The following ILDR2 variants were observed in gnomAD, a reference collection of about 807,000 sequenced individuals.
The protein encoded by ILDR2 is immunoglobulin-like domain-containing receptor 2.
ILDR2 carries 25 observed loss-of-function variants against 66.8 expected under a neutral mutation model. The observed-to-expected ratio is 0.37, with a 90% CI of 0.27 to 0.52. The LOEUF (loss-of-function observed/expected upper bound fraction) is 0.52, where lower values mean the gene tolerates loss of function less well. Among genes scored for constraint, ILDR2 ranks in the 20% least tolerant of loss-of-function variants. ILDR2 has a pLI of 0.88. For synonymous variants in ILDR2, 367 were observed against 357.2 expected (o/e 1.03, Z -0.31); for missense variants, 827 against 876.8 (o/e 0.94, Z 0.72).
intron 2 of ILDR2, chr1:166,896,137 G>A (rs376228315): frequency 2.4e-4 from 36 of 152,328 alleles, no homozygotes; most frequent in African/African-American, 7.2e-4. Flanking sequence ...AAAGTAGCAC[G>A]TCCTGAACTC....
chr1:166,925,959 AT>A (rs1660255836), intron 7 of ILDR2, among the ~76,000 whole-genome samples: 1 of 152,124 alleles, frequency 6.6e-6, no homozygotes, highest in African/African-American at 2.4e-5. Context: ...CCATGACAAC[AT>A]TGTTACAACT....
chr1:166,928,548 TC>T (rs1660441687), intron 6 of ILDR2, among the ~76,000 whole-genome samples: 1 of 152,216 alleles, frequency 6.6e-6, no homozygotes. Context: ...CATTCCCTGT[TC>T]CCAAAGTGGG....
intron 8 of ILDR2, 78 bp downstream of exon 8, chr1:166,922,515 C>G: frequency 8.8e-7 from 1 of 1,141,038 alleles, no homozygotes; most frequent in Non-Finnish European, 1.3e-6. Context: ...TGGATGGCAT[C>G]TTCCTTGCCT....
chr1:166,920,751 T>TGTG lies in ILDR2; in HGVS notation c.1837_1839dup (p.His613dup), dbSNP rs1250987585. ...TTTTTCCTCTTCTTCTCCGAGTTGCTGTGGTAGGGCAGGTCGCGGCCGCGG... is the reference window on the plus strand; with the variant it reads ...TTTTTCCTCTTCTTCTCCGAGTTGCTGTGGTGGTAGGGCAGGTCGCGGCCGCGG... On this transcript the variant is annotated inframe_insertion, in exon 9 of 10. Coordinates refer to ENST00000271417, the MANE Select transcript of ILDR2 (RefSeq NM_199351.3). 2.0e-6 allele frequency: 3 copies of TGTG among 1,469,664 alleles called. No individual in the cohort carries two copies. Among genetic ancestry groups the TGTG allele is most frequent in the South Asian group, 1.4e-5 (1 of 72,756 alleles). 91.0% of individuals were successfully genotyped at this position (1,469,664 alleles called of 1,614,324 possible). A position where few individuals can be genotyped will look rare whatever the true frequency, so the allele number is the denominator to read the frequency against.
chr1:166,956,646 A>G (rs2101978277), intron 3 of ILDR2, 87 bp downstream of exon 3: 1 of 1,473,192 alleles, frequency 6.8e-7, no homozygotes, highest in Non-Finnish European at 9.2e-7. Context: ...CTGCTAATGC[A>G]CACAGGGGAG....
At chr1:166,933,802 T>G (rs1285243420) in intron 6 of ILDR2, among the ~76,000 whole-genome samples, 1 of 152,200 alleles carries the variant, frequency 6.6e-6, no homozygotes, top group African/African-American at 2.4e-5. Flanking sequence ...TTTCTCTAAT[T>G]ATCTGTGTGT....
At position 166,936,607 on chromosome 1, in the gene ILDR2, G is replaced by A; in HGVS notation, c.687C>T (p.Cys229=). The change falls in exon 5 of 10, where the codon TGC becomes TGT. Residue 229 remains cysteine, a synonymous_variant. Transcript: ENST00000271417. This position sits in a 1 kb window ranked among gnomAD's most constrained non-coding sequence, Gnocchi z 5.0. ...TGTACTCACAGGCTTGAGGGCAGCAGCAGGAATCTGGGCAGCATGGGCAGC... is the reference window on the plus strand; with the variant it reads ...TGTACTCACAGGCTTGAGGGCAGCAACAGGAATCTGGGCAGCATGGGCAGC... ...YVRCPCCPDS[C]CCPQALYEAG... 6.2e-7 allele frequency: 1 copy of A among 1,614,114 alleles called. No homozygotes were observed. The highest frequency in any genetic ancestry group is 1.1e-5 in the South Asian group (1 of 91,086).
chr1:166,963,708 A>G (rs550325657), intron 1 of ILDR2, among the ~76,000 whole-genome samples: 1 of 152,298 alleles, frequency 6.6e-6, no homozygotes, highest in East Asian at 1.9e-4. Flanking sequence ...TCTCCTTGAC[A>G]TGGCCCCCAG....
chr1:166,935,721 ATAAT>A (rs1660933983), intron 5 of ILDR2, among the ~76,000 whole-genome samples: 1 of 152,198 alleles, frequency 6.6e-6, no homozygotes, highest in South Asian at 2.1e-4. Flanking sequence ...TGGCAACTAA[ATAAT>A]TAAGTGGTTC....
rs555093989 is a variant in ILDR2, at chr1:166,939,071, T to A, written c.556+443A>T. On this transcript the variant is annotated intron_variant, in intron 4 of 9. Transcript: ENST00000271417. Reference sequence around the variant, plus strand: ...AGGGAGGAGGGGTACATAGCTTTCCTAAGGTTTGAAAAAAAAGTTTGATGA... The same window carrying A: ...AGGGAGGAGGGGTACATAGCTTTCCAAAGGTTTGAAAAAAAAGTTTGATGA... 3.3e-5 allele frequency among the ~76,000 whole-genome samples: 5 copies of A among 152,300 alleles called. No homozygotes were observed. The East Asian group carries it at 9.6e-4, about 29-fold the overall frequency.
Position 166,974,716 on chromosome 1 carries a change from A to G in ILDR2, c.46+507T>C, listed in dbSNP as rs1325045571. 2.6e-5 allele frequency among the ~76,000 whole-genome samples: 4 copies of G among 152,062 alleles called. No individual in the cohort carries two copies. The East Asian group carries it at 7.7e-4, about 29-fold the overall frequency. The stretch of plus-strand genomic sequence containing the variant: ...CTCCAGTTCCTTGCACCCTCCAGAG[A>G]GCCACAGAGAGAATGCCCTGGGTCC... On this transcript the variant is annotated intron_variant, in intron 1 of 9. Coordinates refer to ENST00000271417, the MANE Select transcript of ILDR2 (RefSeq NM_199351.3).
Position 166,969,384 on chromosome 1 carries a change from CA to C in ILDR2, c.46+5838del, listed in dbSNP as rs1663148447. 2.6e-5 allele frequency among the ~76,000 whole-genome samples: 4 copies of C among 152,198 alleles called. No homozygotes were observed. The South Asian group carries it at 8.3e-4, about 31-fold the overall frequency. On this transcript the variant is annotated intron_variant, in intron 1 of 9. Transcript: ENST00000271417. ...TGGCCTGTAAAGAACTCTAGTCATC[CA>C]AAACACTTTCTTTCATTTTCAGAAA...
chr1:166,922,172 C>T (rs1483312863), intron 8 of ILDR2, among the ~76,000 whole-genome samples: 2 of 152,064 alleles, frequency 1.3e-5, no homozygotes, highest in Admixed American at 6.5e-5. Context: ...AATCCCAGCA[C>T]TTTGGGAGGC....
chr1:166,921,505 C>T lies in ILDR2; in HGVS notation c.1212-126G>A, dbSNP rs1659941693. 1.3e-6 allele frequency: 1 copy of T among 768,050 alleles called. No homozygotes were observed. Among genetic ancestry groups the T allele is most frequent in the Admixed American group, 3.0e-5 (1 of 33,574 alleles). 47.6% of individuals were successfully genotyped at this position (768,050 alleles called of 1,614,324 possible). A position where few individuals can be genotyped will look rare whatever the true frequency, so the allele number is the denominator to read the frequency against. ...GACCTCGGCCTGAGCCTCAGCTCCG[C>T]TCCAGGCTGGATGAAGCATTCCAGG... On this transcript the variant is annotated intron_variant, in intron 8 of 9. Coordinates refer to ENST00000271417, the MANE Select transcript of ILDR2 (RefSeq NM_199351.3). This position sits in a 1 kb window ranked among gnomAD's most constrained non-coding sequence, Gnocchi z 5.3.
chr1:166,964,156 T>G (rs1445527307), intron 1 of ILDR2, among the ~76,000 whole-genome samples: 1 of 150,870 alleles, frequency 6.6e-6, no homozygotes, highest in Non-Finnish European at 1.5e-5. Context: ...AAAAAAAAAT[T>G]TAAGAATTCC....
chr1:166,941,785 C>T (rs1661324293), intron 3 of ILDR2, among the ~76,000 whole-genome samples: 1 of 152,164 alleles, frequency 6.6e-6, no homozygotes, highest in Non-Finnish European at 1.5e-5. Flanking sequence ...ATGTTTTAAA[C>T]ATCTCTGGAT....
At chr1:166,951,870 C>T (rs763977346) in intron 3 of ILDR2, among the ~76,000 whole-genome samples, 1 of 152,162 alleles carries the variant, frequency 6.6e-6, no homozygotes, top group Non-Finnish European at 1.5e-5. Flanking sequence ...TTGTTATTTA[C>T]CATTAGGAAT....
rs1016308481 is a variant in ILDR2 at position 166,917,567 on chromosome 1, A to G, written c.*1788T>C. On this transcript the variant is annotated 3_prime_UTR_variant, in exon 10 of 10. Transcript: ENST00000271417. ...TCCACTCCACAAGAGTGCAGGGTGA[A>G]AAGCTTTGATAAAAATTTGTCAACA... 1.3e-5 allele frequency: 2 copies of G among 152,246 alleles called. No individual in the cohort carries two copies. The highest frequency in any genetic ancestry group is 4.8e-5 in the African/African-American group (2 of 41,454). The allele number at this position is 152,246 out of a possible 1,614,324, so 9.4% of individuals were successfully genotyped here.
chr1:166,950,660 G>T (rs1412726852), intron 3 of ILDR2, among the ~76,000 whole-genome samples: 2 of 151,354 alleles, frequency 1.3e-5, no homozygotes, highest in Non-Finnish European at 2.9e-5. Flanking sequence ...ACTAGTGGAT[G>T]GAGAAGTTTA....
Sources: allele counts gnomAD v4.1 joint callset (sites outside exome capture counted in the v4.1 genomes callset), GRCh38; gene constraint gnomAD v4.1.1; non-coding constraint Gnocchi (gnomAD v3.1); transcripts MANE v1.5; gene names NCBI Gene and HGNC (gene_info 2026-07-23, HGNC 2026-07-21).